LRMDA: variants seen among roughly 807,000 people sequenced by gnomAD.
LRMDA encodes the protein leucine rich melanocyte differentiation associated.
Under a neutral mutation model 29.8 loss-of-function variants are expected in LRMDA, and 18 were observed. The observed-to-expected ratio is 0.60, with a 90% CI of 0.42 to 0.90. The LOEUF (loss-of-function observed/expected upper bound fraction) is 0.90. Ranked by LOEUF, LRMDA falls within the 40% of genes least tolerant of loss-of-function variation. The probability of loss-of-function intolerance (pLI) is 0.00; values close to 1 mark genes in which losing one functional copy is unlikely to be tolerated. For synonymous variants in LRMDA, 125 were observed against 109.4 expected, an observed-to-expected ratio of 1.14 and a Z score of -0.89; for missense variants, 273 against 273.9, an observed-to-expected ratio of 1.00 and a Z score of 0.02.
rs975573240 is a variant in LRMDA at position 76,065,170 on chromosome 10, G to A, written c.516+6387G>A. The stretch of plus-strand genomic sequence containing the variant: ...TTCATTTGAGGGAGAATCACTTAAA[G>A]ATTTTGTATTTCTCCATTTTTAGAA... On this transcript the variant is annotated intron_variant, in intron 5 of 6. Coordinates refer to ENST00000611255, the MANE Select transcript of LRMDA (RefSeq NM_001305581.2). Among the ~76,000 whole-genome samples the A allele has an allele frequency of 2.6e-5, 4 of 152,206 alleles. No homozygotes were observed. The East Asian group carries it at 7.7e-4, about 29-fold the overall frequency.
At chr10:75,848,441 T>A (rs1844677870) in intron 2 of LRMDA, among the ~76,000 whole-genome samples, 1 of 152,150 alleles carries the variant, frequency 6.6e-6, no homozygotes, top group African/African-American at 2.4e-5. Context: ...CTTCACTGGG[T>A]GAATGAGCAG....
intron 2 of LRMDA, among the ~76,000 whole-genome samples, chr10:75,759,435 T>G (rs1843069448): frequency 6.6e-6 from 1 of 152,236 alleles, no homozygotes; most frequent in African/African-American, 2.4e-5. Flanking sequence ...CTAATGGTAC[T>G]GTGAGTTACA....
chr10:76,441,776 C>T (rs1842306375), intron 6 of LRMDA, among the ~76,000 whole-genome samples: 1 of 152,142 alleles, frequency 6.6e-6, no homozygotes, highest in African/African-American at 2.4e-5. Context: ...ACATGAGATT[C>T]TTACCTAGCC....
intron 2 of LRMDA, among the ~76,000 whole-genome samples, chr10:75,488,014 T>G (rs1462016092): frequency 1.3e-5 from 2 of 152,202 alleles, no homozygotes; most frequent in Non-Finnish European, 2.9e-5. Context: ...AACTCATGTG[T>G]CAGTTGGTTT....
At chr10:75,619,769 A>G (rs1201124970) in intron 2 of LRMDA, among the ~76,000 whole-genome samples, 1 of 152,130 alleles carries the variant, frequency 6.6e-6, no homozygotes, top group Non-Finnish European at 1.5e-5. Context: ...ATCTGGGTTT[A>G]CAGTTGGCCT....
At chr10:75,537,593 C>T (rs889431074) in intron 2 of LRMDA, among the ~76,000 whole-genome samples, 13 of 152,272 alleles carry the variant, frequency 8.5e-5, no homozygotes, top group South Asian at 4.1e-4. Flanking sequence ...GAGCCAGGCC[C>T]GTAAGGATGG....
intron 2 of LRMDA, among the ~76,000 whole-genome samples, chr10:75,583,321 G>T (rs367878400): frequency 6.6e-6 from 1 of 152,158 alleles, no homozygotes; most frequent in Non-Finnish European, 1.5e-5. Context: ...TCACAGTTCT[G>T]CAGGCTGTGC....
At chr10:75,802,967 TATATA>T (rs1176468533) in intron 2 of LRMDA, among the ~76,000 whole-genome samples, 58 of 127,678 alleles carry the variant, frequency 4.5e-4, no homozygotes, top group Non-Finnish European at 7.6e-4. Context: ...TATATATATA[TATATA>T]TTTTTTTTTT....
intron 2 of LRMDA, among the ~76,000 whole-genome samples, chr10:75,482,151 A>T (rs1844862076): frequency 2.0e-5 from 3 of 152,126 alleles, no homozygotes; most frequent in African/African-American, 4.8e-5. Flanking sequence ...GATGTTAGGC[A>T]TGGTCACGGA....
chr10:76,535,799 T>A (rs1388408938), intron 6 of LRMDA: 2 of 152,336 alleles, frequency 1.3e-5, no homozygotes, highest in East Asian at 3.9e-4. Flanking sequence ...ATCTTTCAGA[T>A]GAAGTTTCAT....
At chr10:75,507,601 G>A (rs145086223) in intron 2 of LRMDA, among the ~76,000 whole-genome samples, 8 of 152,182 alleles carry the variant, frequency 5.3e-5, no homozygotes, top group Admixed American at 4.6e-4. Context: ...TTTTTTACTC[G>A]CATTGTTTCG....
chr10:75,890,179 TGAG>T (rs1463153085), intron 2 of LRMDA, among the ~76,000 whole-genome samples: 3 of 152,292 alleles, frequency 2.0e-5, no homozygotes, highest in African/African-American at 7.2e-5. Flanking sequence ...ATGGTGTTAA[TGAG>T]GATTCCCTGG....
At chr10:76,083,915 G>A (rs1457858290) in intron 5 of LRMDA, among the ~76,000 whole-genome samples, 1 of 151,410 alleles carries the variant, frequency 6.6e-6, no homozygotes, top group East Asian at 1.9e-4. Context: ...TGTTTCCCAA[G>A]CTCATTTGAC....
At chr10:75,943,818 C>G (rs1846433747) in intron 2 of LRMDA, among the ~76,000 whole-genome samples, 1 of 152,162 alleles carries the variant, frequency 6.6e-6, no homozygotes, top group Admixed American at 6.5e-5. Context: ...AACACTTATT[C>G]AACAATTATT....
At chr10:76,290,697 C>T (rs1038649174) in intron 5 of LRMDA, among the ~76,000 whole-genome samples, 1 of 152,180 alleles carries the variant, frequency 6.6e-6, no homozygotes, top group East Asian at 1.9e-4. Flanking sequence ...GCTGGGATTA[C>T]AGGCCTGAGC....
intron 6 of LRMDA, among the ~76,000 whole-genome samples, chr10:76,406,548 A>G (rs1455445867): frequency 1.3e-5 from 2 of 152,190 alleles, no homozygotes; most frequent in Non-Finnish European, 2.9e-5. Context: ...GTGGCACAAA[A>G]TGTTTCCTCC....
chr10:75,762,306 T>G (rs1843107234), intron 2 of LRMDA, among the ~76,000 whole-genome samples: 1 of 152,250 alleles, frequency 6.6e-6, no homozygotes, highest in African/African-American at 2.4e-5. Context: ...AGGATGGCTT[T>G]GAATGCGACC....
At chr10:75,788,507 T>G (rs979931394) in intron 2 of LRMDA, among the ~76,000 whole-genome samples, 59 of 152,374 alleles carry the variant, frequency 3.9e-4, no homozygotes, top group African/African-American at 1.3e-3. Flanking sequence ...TTTGTTTACA[T>G]TGCTCAGCAC....
chr10:75,694,235 C>G lies in LRMDA; in HGVS notation c.131+255741C>G, dbSNP rs916579931. On this transcript the variant is annotated intron_variant, in intron 2 of 6. Transcript: ENST00000611255. Reference sequence around the variant, plus strand: ...CTTTGCATAAGTGGGTGTTTTGTAGCATTAAAGGATTTCAGAAAGTTGAGA... The same window carrying G: ...CTTTGCATAAGTGGGTGTTTTGTAGGATTAAAGGATTTCAGAAAGTTGAGA... Among the ~76,000 whole-genome samples, 6 of 152,098 alleles carry G rather than the reference C, an allele frequency of 3.9e-5. No individual in the cohort carries two copies. In the East Asian group the frequency reaches 1.2e-3, roughly 29 times the overall value.
Sources: allele counts gnomAD v4.1 joint callset (sites outside exome capture counted in the v4.1 genomes callset), GRCh38; gene constraint gnomAD v4.1.1; transcripts MANE v1.5; gene names NCBI Gene and HGNC (gene_info 2026-07-23, HGNC 2026-07-21).